The following PCDH9 variants were observed in gnomAD, a reference collection of about 807,000 sequenced individuals.
PCDH9 encodes the protein protocadherin-9.
PCDH9 carries 24 observed loss-of-function variants against 70.6 expected under a neutral mutation model. The ratio of observed to expected loss-of-function variants is 0.34; its 90% CI spans 0.25 to 0.48. The LOEUF (loss-of-function observed/expected upper bound fraction) is 0.48, where lower values mean the gene tolerates loss of function less well. Among genes scored for constraint, PCDH9 ranks in the 20% least tolerant of loss-of-function variants. The pLI, the probability that PCDH9 is intolerant of heterozygous loss-of-function variation, is 0.99. For synonymous variants in PCDH9, 562 were observed against 558.5 expected, an observed-to-expected ratio of 1.01 and a Z score of -0.09; for missense variants, 1,281 against 1,503.6, an observed-to-expected ratio of 0.85 and a Z score of 2.45.
At chr13:66,871,494 T>A (rs1297570479) in intron 3 of PCDH9, among the ~76,000 whole-genome samples, 1 of 151,910 alleles carries the variant, frequency 6.6e-6, no homozygotes, top group East Asian at 1.9e-4. Context: ...AGAGGAGAAA[T>A]TGAACATAAA....
chr13:67,153,788 T>C (rs531930067), intron 2 of PCDH9, among the ~76,000 whole-genome samples: 1 of 152,328 alleles, frequency 6.6e-6, no homozygotes, highest in Admixed American at 6.5e-5. Context: ...AGGTTTACCA[T>C]TTGCTGAAAT....
chr13:66,628,046 A>T (rs894807714), intron 4 of PCDH9, among the ~76,000 whole-genome samples: 3 of 152,196 alleles, frequency 2.0e-5, no homozygotes, highest in African/African-American at 4.8e-5. Context: ...GGAAAACTCA[A>T]ATGTGGGCTT....
intron 2 of PCDH9, among the ~76,000 whole-genome samples, chr13:67,030,478 C>T (rs1199086344): frequency 6.6e-6 from 1 of 151,696 alleles, no homozygotes; most frequent in Non-Finnish European, 1.5e-5. Context: ...AACCTCTCAT[C>T]CCCCCACCAC....
intron 2 of PCDH9, chr13:67,211,316 G>T (rs1294030267): frequency 1.3e-5 from 2 of 151,976 alleles, no homozygotes; most frequent in African/African-American, 4.8e-5. Flanking sequence ...CAGTTGGAAA[G>T]ATCCTTTTAG....
intron 4 of PCDH9, among the ~76,000 whole-genome samples, chr13:66,328,258 T>C (rs762085625): frequency 2.6e-5 from 4 of 152,164 alleles, no homozygotes; most frequent in African/African-American, 9.6e-5. Context: ...TTTGTAATTA[T>C]AGAAATCAAA....
At chr13:66,927,725 T>C (rs2082739215) in intron 2 of PCDH9, among the ~76,000 whole-genome samples, 1 of 151,978 alleles carries the variant, frequency 6.6e-6, no homozygotes, top group Non-Finnish European at 1.5e-5. Flanking sequence ...GTCTGTGTAC[T>C]AATCTCTTCT....
chr13:66,622,225 C>A (rs2077432113), intron 4 of PCDH9, among the ~76,000 whole-genome samples: 1 of 152,226 alleles, frequency 6.6e-6, no homozygotes, highest in Non-Finnish European at 1.5e-5. Flanking sequence ...ATGCCTGAGC[C>A]TCCCCCGCTC....
chr13:66,430,962 T>G (rs1442085107), intron 4 of PCDH9, among the ~76,000 whole-genome samples: 2 of 152,060 alleles, frequency 1.3e-5, no homozygotes, highest in Non-Finnish European at 2.9e-5. Context: ...AAATCTACAG[T>G]CCAGCTATGA....
rs1421021619 is a variant in PCDH9, at chr13:66,948,125, A to T, written c.3037-44520T>A. Among the ~76,000 whole-genome samples, 15 of 147,004 alleles carry T rather than the reference A, an allele frequency of 1.0e-4. No individual in the cohort carries two copies. The East Asian group carries it at 2.9e-3, about 28-fold the overall frequency. ...CATAAATTGAAGTTGTATGCCTCAG[A>T]GTATAGTGTTGATATTGACACAAAT... is the stretch of plus-strand genomic sequence containing the variant. On this transcript the variant is annotated intron_variant, in intron 2 of 4. Transcript: ENST00000377865.
chr13:66,824,481 C>A (rs1030411747), intron 3 of PCDH9, among the ~76,000 whole-genome samples: 2 of 148,854 alleles, frequency 1.3e-5, no homozygotes, highest in Non-Finnish European at 3.0e-5. Flanking sequence ...TGTGGTGAAA[C>A]CCCGTCTCTA....
intron 4 of PCDH9, among the ~76,000 whole-genome samples, chr13:66,530,120 A>C (rs1035416717): frequency 7.2e-4 from 110 of 152,088 alleles, no homozygotes; most frequent in African/African-American, 2.5e-3. Flanking sequence ...CTCTGCTTCC[A>C]ATTTCAAACA....
chr13:66,510,064 C>T (rs78247836), intron 4 of PCDH9, among the ~76,000 whole-genome samples: 2 of 152,132 alleles, frequency 1.3e-5, no homozygotes, highest in African/African-American at 4.8e-5. Context: ...GGCTTTTACT[C>T]TTTTATTTTT....
chr13:66,340,724 C>A (rs564595674), intron 4 of PCDH9, among the ~76,000 whole-genome samples: 1 of 152,174 alleles, frequency 6.6e-6, no homozygotes, highest in Non-Finnish European at 1.5e-5. Context: ...TCTGATTCTC[C>A]ATTATACAAA....
intron 4 of PCDH9, among the ~76,000 whole-genome samples, chr13:66,408,725 C>T (rs1314137659): frequency 6.6e-6 from 1 of 151,752 alleles, no homozygotes; most frequent in East Asian, 1.9e-4. Flanking sequence ...TTTTCTTCTT[C>T]TGCCTTTTTT....
intron 2 of PCDH9, among the ~76,000 whole-genome samples, chr13:66,956,725 G>A (rs1248804735): frequency 6.6e-6 from 1 of 152,166 alleles, no homozygotes; most frequent in Non-Finnish European, 1.5e-5. Flanking sequence ...ACTCCAGGCT[G>A]GGCAGCAGAG....
chr13:66,842,353 T>C (rs1216465082), intron 3 of PCDH9, among the ~76,000 whole-genome samples: 2 of 152,152 alleles, frequency 1.3e-5, no homozygotes, highest in African/African-American at 2.4e-5. Flanking sequence ...GTATACATAG[T>C]AAATTAATTC....
At chr13:67,144,484 A>G (rs969982050) in intron 2 of PCDH9, among the ~76,000 whole-genome samples, 2 of 152,170 alleles carry the variant, frequency 1.3e-5, no homozygotes, top group African/African-American at 4.8e-5. Flanking sequence ...CATATATTTT[A>G]TAAAATATTC....
chr13:66,754,605 T>A (rs1594012125), intron 3 of PCDH9, among the ~76,000 whole-genome samples: 2 of 152,242 alleles, frequency 1.3e-5, no homozygotes, highest in African/African-American at 4.8e-5. Context: ...GAATTCTGAA[T>A]TCTTGAGAAT....
chr13:67,161,503 T>G (rs1385123953), intron 2 of PCDH9, among the ~76,000 whole-genome samples: 1 of 152,154 alleles, frequency 6.6e-6, no homozygotes, highest in Non-Finnish European at 1.5e-5. Flanking sequence ...TTCCCTCTTG[T>G]TCTAAACACA....
Sources: allele counts gnomAD v4.1 joint callset (sites outside exome capture counted in the v4.1 genomes callset), GRCh38; gene constraint gnomAD v4.1.1; transcripts MANE v1.5; gene names NCBI Gene and HGNC (gene_info 2026-07-23, HGNC 2026-07-21).